Variants in OPRM1 observed in about 807,000 individuals in gnomAD.
The protein encoded by OPRM1 is mu-type opioid receptor.
OPRM1 carries 27 observed loss-of-function variants against 31.8 expected under a neutral mutation model. The ratio of observed to expected loss-of-function variants is 0.85; its 90% confidence interval spans 0.63 to 1.17. OPRM1 has a LOEUF of 1.17. OPRM1 is among the 50% of genes most tolerant of loss of function. The probability of loss-of-function intolerance (pLI) is 0.00; values close to 1 mark genes in which losing one functional copy is unlikely to be tolerated. For synonymous variants in OPRM1, 196 were observed against 189.9 expected (o/e 1.03, Z -0.26); for missense variants, 536 against 511.1 (o/e 1.05, Z -0.47).
chr6:154,218,375 ACT>A (rs1287062576), intron 3 of OPRM1, among the ~76,000 whole-genome samples: 1 of 152,120 alleles, frequency 6.6e-6, no homozygotes, highest in Non-Finnish European at 1.5e-5. Context: ...TTAAATTGAG[ACT>A]CACTACAGAA....
At position 154,190,886 on chromosome 6, in the gene OPRM1, C is replaced by T. The variant is rs1583753086; in HGVS notation, c.1165-55807C>T. Among the ~76,000 whole-genome samples, 2 of 152,208 alleles carry T rather than the reference C, an allele frequency of 1.3e-5. 1 individual carries two copies. Among genetic ancestry groups the T allele is most frequent in the South Asian group, 4.2e-4 (2 of 4,818 alleles). On this transcript the variant is annotated intron_variant, in intron 3 of 3. Coordinates refer to the OPRM1 transcript ENST00000337049. Reference sequence around the variant, plus strand: ...CCTGGCTAACACGGTGAAACCCCGTCTCTACTAAAAACACAAAAAATTAGC... The same window carrying T: ...CCTGGCTAACACGGTGAAACCCCGTTTCTACTAAAAACACAAAAAATTAGC...
intron 1 of OPRM1, among the ~76,000 whole-genome samples, chr6:154,031,720 G>A (rs887517569): frequency 6.6e-6 from 1 of 152,114 alleles, no homozygotes; most frequent in Non-Finnish European, 1.5e-5. Context: ...CAGCCTGGGT[G>A]ACAGAGTGAG....
At chr6:154,101,084 A>T (rs1453550029) in intron 3 of OPRM1, among the ~76,000 whole-genome samples, 1 of 151,930 alleles carries the variant, frequency 6.6e-6, no homozygotes. Flanking sequence ...GATATTAAGA[A>T]ATAAGAATAA....
At chr6:154,206,103 A>T (rs1777473345) in intron 3 of OPRM1, among the ~76,000 whole-genome samples, 1 of 152,184 alleles carries the variant, frequency 6.6e-6, no homozygotes, top group Non-Finnish European at 1.5e-5. Flanking sequence ...CACATGGTAA[A>T]TACACAAAAA....
intron 3 of OPRM1, among the ~76,000 whole-genome samples, chr6:154,116,012 G>T (rs1297463781): frequency 1.3e-5 from 2 of 152,148 alleles, no homozygotes; most frequent in Admixed American, 1.3e-4. Context: ...TTGGATTGCA[G>T]AGACCTTACC....
intron 3 of OPRM1, among the ~76,000 whole-genome samples, chr6:154,244,469 T>G (rs1780873279): frequency 6.6e-6 from 1 of 152,222 alleles, no homozygotes; most frequent in Admixed American, 6.5e-5. Flanking sequence ...GCTGCTAATC[T>G]AACTGTATTC....
chr6:154,103,662 A>C (rs183269943), intron 3 of OPRM1, among the ~76,000 whole-genome samples: 1 of 152,186 alleles, frequency 6.6e-6, no homozygotes. Context: ...CCATTTTTAC[A>C]GTTATTTCTT....
intron 3 of OPRM1, among the ~76,000 whole-genome samples, chr6:154,107,274 T>G (rs1760964476): frequency 6.6e-6 from 1 of 152,232 alleles, no homozygotes; most frequent in South Asian, 2.1e-4. Flanking sequence ...AAACTGATTT[T>G]AACCATAGCA....
intron 3 of OPRM1, among the ~76,000 whole-genome samples, chr6:154,220,707 G>A (rs1778796986): frequency 6.6e-6 from 1 of 152,210 alleles, no homozygotes; most frequent in South Asian, 2.1e-4. Context: ...TAGGAATGGT[G>A]TAGGGCAGGT....
intron 1 of OPRM1, among the ~76,000 whole-genome samples, chr6:154,066,741 C>A (rs1362442430): frequency 6.6e-6 from 1 of 152,084 alleles, no homozygotes; most frequent in East Asian, 1.9e-4. Context: ...GAGAAGGCTG[C>A]ACCTGCAAGC....
At chr6:154,110,809 C>A (rs1161475688) in intron 3 of OPRM1, among the ~76,000 whole-genome samples, 1 of 143,422 alleles carries the variant, frequency 7.0e-6, no homozygotes, top group Non-Finnish European at 1.5e-5. Flanking sequence ...ATGGCGTGAA[C>A]CCGTGAGGCG....
At chr6:154,135,991 T>A (rs959033714), downstream of OPRM1, among the ~76,000 whole-genome samples, 1 of 152,164 alleles carries the variant, frequency 6.6e-6, no homozygotes, top group Non-Finnish European at 1.5e-5. Context: ...CTGTGTTGAG[T>A]ATTTTTATCA....
chr6:154,087,442 G>T (rs573579469), intron 1 of OPRM1: 2 of 985,304 alleles, frequency 2.0e-6, no homozygotes, highest in African/African-American at 3.5e-5. Flanking sequence ...TGATGGCACC[G>T]TGTAAATCAG....
chr6:154,193,944 C>T (rs960012996), intron 3 of OPRM1, among the ~76,000 whole-genome samples: 37 of 139,848 alleles, frequency 2.6e-4, no homozygotes, highest in African/African-American at 9.9e-4. Context: ...GGATGTCCAA[C>T]ATAACAGACT....
At chr6:154,185,268 T>C (rs1005011562) in intron 3 of OPRM1, among the ~76,000 whole-genome samples, 4 of 152,214 alleles carry the variant, frequency 2.6e-5, no homozygotes, top group Non-Finnish European at 4.4e-5. Flanking sequence ...GGAGCAGCTA[T>C]AGACATGGAG....
intron 3 of OPRM1, among the ~76,000 whole-genome samples, chr6:154,099,923 T>C (rs1794287916): frequency 7.0e-6 from 1 of 143,166 alleles, no homozygotes; most frequent in Non-Finnish European, 1.5e-5. Flanking sequence ...TCATAACATG[T>C]ATTATCATAT....
At position 154,152,347 on chromosome 6, in the gene OPRM1, G is replaced by GGAAAGAAA. The variant is rs71021028; in HGVS notation, c.1164+60914_1164+60921dup. Among the ~76,000 whole-genome samples the GGAAAGAAA allele has an allele frequency of 2.7e-3, 173 of 65,168 alleles. 2 individuals are homozygous for GGAAAGAAA. The highest frequency in any genetic ancestry group is 6.4e-3 in the Middle Eastern group (1 of 156). 42.8% of individuals were successfully genotyped at this position (65,168 alleles called of 152,430 possible). ...AGAAAGAAAGAAAGAAAGAAAGAAA[G>GGAAAGAAA]GAAAGAAAGAAAGAAAGAAAGAAAG... On this transcript the variant is annotated intron_variant, in intron 3 of 3. Coordinates refer to the OPRM1 transcript ENST00000337049.
chr6:154,071,214 C>G (rs1435399535), intron 1 of OPRM1, among the ~76,000 whole-genome samples: 1 of 152,174 alleles, frequency 6.6e-6, no homozygotes, highest in African/African-American at 2.4e-5. Context: ...GTCATAGCTG[C>G]TGAAGGAAGG....
chr6:154,017,092 C>G (rs149618237), intron 1 of OPRM1, among the ~76,000 whole-genome samples: 40 of 152,288 alleles, frequency 2.6e-4, no homozygotes, highest in Middle Eastern at 3.4e-3. Flanking sequence ...TAGCACTTAT[C>G]ACCATCTGAC....
Sources: gnomAD v4.1 joint callset for allele counts (sites outside exome capture counted in the v4.1 genomes callset) on GRCh38, gnomAD v4.1.1 for gene constraint, MANE v1.5 for transcripts, NCBI Gene and HGNC (gene_info 2026-07-23, HGNC 2026-07-21) for gene names.